Variants in BACH2 observed in about 807,000 individuals in gnomAD.
The protein encoded by BACH2 is transcription regulator protein BACH2.
BACH2 carries 5 observed loss-of-function variants against 61.8 expected under a neutral mutation model. The ratio of observed to expected loss-of-function variants is 0.08; its 90% CI spans 0.04 to 0.17. The LOEUF (loss-of-function observed/expected upper bound fraction) is 0.17. Among genes scored for constraint, BACH2 ranks in the 10% least tolerant of loss-of-function variants. The pLI, the probability that BACH2 is intolerant of heterozygous loss-of-function variation, is 1.00. For missense variants in BACH2, 824 were observed against 1,091.1 expected (o/e 0.76, Z 3.45); for synonymous variants, 446 against 440.1 (o/e 1.01, Z -0.17).
At chr6:89,937,764 C>T (rs1252826299) in intron 8 of BACH2, among the ~76,000 whole-genome samples, 1 of 152,208 alleles carries the variant, frequency 6.6e-6, no homozygotes, top group African/African-American at 2.4e-5. Flanking sequence ...CTCCTGACCT[C>T]AAGTGATCCA....
At chr6:89,946,660 G>T (rs904346870) in intron 7 of BACH2, among the ~76,000 whole-genome samples, 1 of 152,118 alleles carries the variant, frequency 6.6e-6, no homozygotes, top group Non-Finnish European at 1.5e-5. Flanking sequence ...CCACGTGCAT[G>T]GTAGACAGCT....
At chr6:90,119,851 G>A (rs1407000117) in intron 4 of BACH2, among the ~76,000 whole-genome samples, 1 of 152,046 alleles carries the variant, frequency 6.6e-6, no homozygotes, top group African/African-American at 2.4e-5. Flanking sequence ...GCTCAAAAAC[G>A]CCAAATCTAT....
chr6:90,200,974 C>CT (rs1411569146), intron 4 of BACH2, among the ~76,000 whole-genome samples: 1 of 152,082 alleles, frequency 6.6e-6, no homozygotes, highest in Non-Finnish European at 1.5e-5. Context: ...CATACTGTAC[C>CT]TTTTTTTAAA....
chr6:89,960,437 A>G (rs1774679703), intron 6 of BACH2, among the ~76,000 whole-genome samples: 1 of 152,208 alleles, frequency 6.6e-6, no homozygotes, highest in African/African-American at 2.4e-5. Flanking sequence ...AAGAAATGCT[A>G]TTTCATATGG....
chr6:90,138,480 CAG>C (rs1468977154), intron 4 of BACH2, among the ~76,000 whole-genome samples: 1 of 151,832 alleles, frequency 6.6e-6, no homozygotes, highest in Non-Finnish European at 1.5e-5. Flanking sequence ...GCCTGGGTGA[CAG>C]AGTGAGATCC....
chr6:90,057,261 A>G (rs1780411282), intron 5 of BACH2, among the ~76,000 whole-genome samples: 1 of 152,250 alleles, frequency 6.6e-6, no homozygotes, highest in Non-Finnish European at 1.5e-5. Flanking sequence ...GAAGAATCAA[A>G]TAGACGCAAT....
chr6:90,254,482 G>T (rs765081229), intron 2 of BACH2, among the ~76,000 whole-genome samples: 2 of 151,940 alleles, frequency 1.3e-5, no homozygotes, highest in Non-Finnish European at 2.9e-5. Context: ...GCCCCTCAAA[G>T]GTAGTAGAGG....
intron 5 of BACH2, among the ~76,000 whole-genome samples, chr6:90,062,426 G>C (rs1425722169): frequency 6.6e-6 from 1 of 151,736 alleles, no homozygotes; most frequent in Non-Finnish European, 1.5e-5. Context: ...AGGTCTTAGA[G>C]GACTTCTAGT....
At chr6:90,112,793 A>G (rs1032174382) in intron 4 of BACH2, among the ~76,000 whole-genome samples, 4 of 152,178 alleles carry the variant, frequency 2.6e-5, no homozygotes, top group African/African-American at 7.2e-5. Context: ...GCCCCACTTA[A>G]AAGGCACAGA....
At chr6:90,112,090 C>T (rs937623819) in intron 4 of BACH2, among the ~76,000 whole-genome samples, 1 of 152,168 alleles carries the variant, frequency 6.6e-6, no homozygotes, top group African/African-American at 2.4e-5. Flanking sequence ...ATTAGTGTTA[C>T]CTTCTTGACT....
At chr6:90,056,365 G>C (rs1354301309) in intron 5 of BACH2, among the ~76,000 whole-genome samples, 2 of 152,066 alleles carry the variant, frequency 1.3e-5, no homozygotes, top group Non-Finnish European at 2.9e-5. Context: ...AAGATCAAAA[G>C]AGACAAAGAA....
chr6:90,027,902 G>C (rs534750542), intron 5 of BACH2, among the ~76,000 whole-genome samples: 16 of 152,304 alleles, frequency 1.1e-4, no homozygotes, highest in African/African-American at 3.9e-4. Flanking sequence ...ATATACACTT[G>C]TAATTCTACA....
At chr6:90,100,702 GACACACAC>G (rs372719418) in intron 4 of BACH2, among the ~76,000 whole-genome samples, 3 of 64,252 alleles carry the variant, frequency 4.7e-5, no homozygotes, top group Non-Finnish European at 1.0e-4. Context: ...CACACACACA[GACACACAC>G]ACACACACAC....
At chr6:90,118,850 C>G (rs1424853623) in intron 4 of BACH2, among the ~76,000 whole-genome samples, 1 of 152,130 alleles carries the variant, frequency 6.6e-6, no homozygotes, top group Non-Finnish European at 1.5e-5. Flanking sequence ...CTAACCAGAC[C>G]TGGGTTTGGT....
intron 4 of BACH2, among the ~76,000 whole-genome samples, chr6:90,164,212 T>C (rs910011231): frequency 6.6e-6 from 1 of 151,902 alleles, no homozygotes; most frequent in Non-Finnish European, 1.5e-5. Flanking sequence ...ATAGATGCAA[T>C]AAAAAATGAT....
intron 2 of BACH2, among the ~76,000 whole-genome samples, chr6:90,271,275 G>A (rs1771509617): frequency 6.7e-6 from 1 of 150,370 alleles, no homozygotes; most frequent in Non-Finnish European, 1.5e-5. Context: ...CACAGAGTGG[G>A]AGAAAATCTT....
chr6:90,104,186 T>A (rs530926714), intron 4 of BACH2, among the ~76,000 whole-genome samples: 2 of 152,252 alleles, frequency 1.3e-5, no homozygotes, highest in East Asian at 3.9e-4. Context: ...GAGTGATGTA[T>A]CCCCCAAAAG....
intron 6 of BACH2, among the ~76,000 whole-genome samples, chr6:89,959,383 G>C (rs1774616250): frequency 6.6e-6 from 1 of 152,132 alleles, no homozygotes; most frequent in African/African-American, 2.4e-5. Flanking sequence ...TCAGTTAACA[G>C]ACTCAGACTC....
In BACH2 at chr6:90,032,846, T is replaced by C. The variant is rs897690273; in HGVS notation, c.-12-23990A>G. ...TAGAAATACTATTTGACCCAGCAAT[T>C]CCATTACTGGGTATATACCCGAAGG... On this transcript the variant is annotated intron_variant, in intron 5 of 8. Transcript: ENST00000257749. 1.4e-4 allele frequency among the ~76,000 whole-genome samples: 21 copies of C among 152,228 alleles called. 1 individual carries two copies. Among genetic ancestry groups the C allele is most frequent in the African/African-American group, 5.1e-4 (21 of 41,550 alleles).
Sources: allele counts gnomAD v4.1 joint callset (sites outside exome capture counted in the v4.1 genomes callset), GRCh38; gene constraint gnomAD v4.1.1; transcripts MANE v1.5; gene names NCBI Gene and HGNC (gene_info 2026-07-23, HGNC 2026-07-21).